The following PAEP variants were observed in gnomAD, a reference collection of about 807,000 sequenced individuals.
PAEP encodes the protein glycodelin.
PAEP carries 28 observed loss-of-function variants against 23.0 expected under a neutral mutation model. That is an observed-to-expected ratio of 1.22 (90% CI 0.90 to 1.67). The LOEUF is 1.67. Ranked by LOEUF, PAEP falls within the 40% of genes most tolerant of loss-of-function variation. The pLI is 0.00. For missense variants in PAEP, 209 were observed against 226.4 expected, an observed-to-expected ratio of 0.92 and a Z score of 0.49; for synonymous variants, 103 against 92.4, an observed-to-expected ratio of 1.12 and a Z score of -0.66.
intron 3 of PAEP, among the ~76,000 whole-genome samples, chr9:135,563,763 C>T (rs1447507976): frequency 6.6e-6 from 1 of 152,068 alleles, no homozygotes; most frequent in African/African-American, 2.4e-5. Flanking sequence ...GGGTCTGGGG[C>T]CTCTTATCCC....
At chr9:135,561,959 G>T in intron 1 of PAEP, 62 bp downstream of exon 1, 1 of 1,246,306 alleles carries the variant, frequency 8.0e-7, no homozygotes. Context: ...GGAGCTGCGG[G>T]CAGGCAGGAA....
intron 3 of PAEP, among the ~76,000 whole-genome samples, chr9:135,563,596 G>A (rs1223516215): frequency 6.6e-6 from 1 of 151,680 alleles, no homozygotes; most frequent in Non-Finnish European, 1.5e-5. Context: ...GCACTCTGGG[G>A]CTGCAGCTCT....
rs1408797928 is a variant in PAEP, at chr9:135,566,904, G to A, written c.*352G>A. The A allele has an allele frequency of 6.5e-5, 10 of 152,688 alleles. No individual in the cohort carries two copies. The highest frequency in any genetic ancestry group is 1.5e-4 in the Non-Finnish European group (10 of 68,054). 9.5% of individuals were successfully genotyped at this position (152,688 alleles called of 1,614,324 possible). The stretch of plus-strand genomic sequence containing the variant: ...AGACCCATGGGCAGCTTCTGGTGGA[G>A]AAAATACCTCAAGTTTCTTATCTAC... On this transcript the variant is annotated 3_prime_UTR_variant, in exon 7 of 7. Transcript: ENST00000479141.
intron 1 of PAEP, 94 bp downstream of exon 1, chr9:135,561,991 C>T: frequency 1.0e-6 from 1 of 1,002,036 alleles, no homozygotes; most frequent in Non-Finnish European, 1.5e-6. Context: ...CAGAAACCTA[C>T]AGGAAGCACA....
At chr9:135,562,669 C>G in intron 2 of PAEP, 151 bp from the exon 3 acceptor site, 1 of 819,208 alleles carries the variant, frequency 1.2e-6, no homozygotes. Context: ...ACAGTGCAGC[C>G]CCAGGTCAGA....
rs1470452230 is a variant in PAEP, at chr9:135,561,895, A to C, written c.94A>C (p.Lys32Gln). 1.3e-6 allele frequency: 2 copies of C among 1,560,918 alleles called. No homozygotes were observed. The change falls in exon 1 of 7, where the codon AAG becomes CAG. Residue 32 changes from lysine to glutamine, a missense_variant and splice_region_variant. Transcript: ENST00000479141. ...GACCAAGCAGGACCTGGAGCTCCCA[A>C]AGGTTTGAGGCTGGGGGAGCGGGCA... ...PQTKQDLELP[K>Q]LAGTWHSMAM...
At chr9:135,566,076 T>C (rs781596023) in intron 6 of PAEP, 105 of 505,658 alleles carry the variant, frequency 2.1e-4, no homozygotes, top group Non-Finnish European at 3.4e-4. Context: ...GGGGTGTTGG[T>C]TGGAAATGGT....
rs1460598938 is a variant in PAEP at position 135,562,819 on chromosome 9, G to C, written c.237-1G>C. On this transcript the variant is annotated splice_acceptor_variant, in intron 2 of 6. Coordinates refer to ENST00000479141, the MANE Select transcript of PAEP (RefSeq NM_002571.4). LOFTEE classifies it high-confidence loss of function. ...CTCATCCTATTGTCACCACCTTTCA[G>C]GGAGAACAACAGCTGTGTTGAGAAG... 2 of 1,613,070 alleles carry C rather than the reference G, an allele frequency of 1.2e-6. No homozygotes were observed. The highest frequency in any genetic ancestry group is 3.3e-5 in the Admixed American group (2 of 59,954).
intron 3 of PAEP, among the ~76,000 whole-genome samples, 156 bp from the exon 4 acceptor site, chr9:135,564,088 C>T (rs1294941699): frequency 1.3e-5 from 2 of 152,244 alleles, no homozygotes; most frequent in East Asian, 1.9e-4. Flanking sequence ...CCTTTCCTCC[C>T]TGGCTTCCCT....
chr9:135,561,942 G>A (rs1832317419), intron 1 of PAEP, 45 bp downstream of exon 1: 1 of 1,438,202 alleles, frequency 7.0e-7, no homozygotes, highest in Non-Finnish European at 9.5e-7. Flanking sequence ...GAGGCCTGGG[G>A]CGGGTGGGAG....
chr9:135,565,638 C>A lies in PAEP; in HGVS notation c.526+124C>A, dbSNP rs111290016. ...CTTTTTGGCCCCTCCCCTGTTCTCCCCTGGCCTTCTGGGGTGCAGAGCCAC... is the reference window on the plus strand; with the variant it reads ...CTTTTTGGCCCCTCCCCTGTTCTCCACTGGCCTTCTGGGGTGCAGAGCCAC... On this transcript the variant is annotated intron_variant, in intron 5 of 6. Transcript: ENST00000479141. The A allele has an allele frequency of 1.4e-5, 19 of 1,338,026 alleles. No individual in the cohort carries two copies. In the African/African-American group the frequency reaches 2.4e-4, roughly 17 times the overall value. The allele number at this position is 1,338,026 out of a possible 1,614,324, so 82.9% of individuals were successfully genotyped here.
At chr9:135,565,580 C>A (rs375530489) in intron 5 of PAEP, 66 bp downstream of exon 5, 7 of 1,483,398 alleles carry the variant, frequency 4.7e-6, no homozygotes, top group African/African-American at 4.2e-5. Flanking sequence ...TTAGCCCGAG[C>A]CCCCTGCTGG....
chr9:135,564,582 C>A, intron 4 of PAEP: 1 of 737,502 alleles, frequency 1.4e-6, no homozygotes, highest in Non-Finnish European at 1.7e-6. Context: ...CGGCTCACTG[C>A]AACTTCTGCC....
rs202147827 is a variant in PAEP, at chr9:135,562,483, C to G, written c.236+50C>G. On this transcript the variant is annotated intron_variant, in intron 2 of 6. Transcript: ENST00000479141. ...GCTGGGCGGGGGCTCAGTCTCCCCC[C>G]TCAGGGGTCCAGGACTGGGTGGGTT... 2.5e-3 allele frequency: 3,952 copies of G among 1,595,664 alleles called. 6 individuals carry two copies. Among genetic ancestry groups the G allele is most frequent in the Non-Finnish European group, 3.0e-3 (3,550 of 1,169,934 alleles).
Position 135,561,898 on chromosome 9 carries a change from G to C in PAEP, c.96+1G>C. The C allele has an allele frequency of 1.3e-6, 2 of 1,525,064 alleles. No homozygotes were observed. Among genetic ancestry groups the C allele is most frequent in the Non-Finnish European group, 1.8e-6 (2 of 1,130,250 alleles). 94.5% of individuals were successfully genotyped at this position (1,525,064 alleles called of 1,614,324 possible). A position where few individuals can be genotyped will look rare whatever the true frequency, so the allele number is the denominator to read the frequency against. On this transcript the variant is annotated splice_donor_variant, in intron 1 of 6. Transcript: ENST00000479141. LOFTEE classifies it high-confidence loss of function. ...CAAGCAGGACCTGGAGCTCCCAAAG[G>C]TTTGAGGCTGGGGGAGCGGGCACTT...
chr9:135,564,480 T>C, intron 4 of PAEP, 126 bp downstream of exon 4: 1 of 1,464,526 alleles, frequency 6.8e-7, no homozygotes, highest in South Asian at 1.5e-5. Flanking sequence ...ACTTTTTTTT[T>C]CTTGGTTTTT....
chr9:135,562,271 C>T lies in PAEP; in HGVS notation c.97-23C>T, dbSNP rs756349924. 23 of 1,609,816 alleles carry T rather than the reference C, an allele frequency of 1.4e-5. 1 individual carries two copies. Among genetic ancestry groups the T allele is most frequent in the South Asian group, 1.1e-4 (10 of 90,396 alleles). ...GAGAGCCATGGTGGGGTGGGACCGC[C>T]GTGCAGCCCAAGGCCCCCTCAGTTG... On this transcript the variant is annotated intron_variant, in intron 1 of 6. Coordinates refer to ENST00000479141, the MANE Select transcript of PAEP (RefSeq NM_002571.4).
intron 5 of PAEP, 24 bp downstream of exon 5, chr9:135,565,538 C>A (rs1832538144): frequency 6.3e-7 from 1 of 1,593,110 alleles, no homozygotes; most frequent in South Asian, 1.1e-5. Flanking sequence ...AGGACACGCC[C>A]AGCCTCAGCT....
At position 135,561,807 on chromosome 9, in the gene PAEP, G is replaced by A. The variant is rs1421654269; in HGVS notation, c.6G>A (p.Leu2=). 1 of 1,551,952 alleles carries A rather than the reference G, an allele frequency of 6.4e-7. No homozygotes were observed. The highest frequency in any genetic ancestry group is 8.7e-7 in the Non-Finnish European group (1 of 1,146,808). ...AGCCACCCACAGCCGCAGCCATGCT[G>A]TGCCTCCTGCTCACCCTGGGCGTGG... M[L]CLLLTLGVAL... is the part of the protein sequence containing the mutation. Residue 2 remains leucine, a synonymous_variant, in exon 1 of 7, where the codon CTG becomes CTA. Coordinates refer to ENST00000479141, the MANE Select transcript of PAEP (RefSeq NM_002571.4).
Sources: gnomAD v4.1 joint callset for allele counts (sites outside exome capture counted in the v4.1 genomes callset) on GRCh38, gnomAD v4.1.1 for gene constraint, MANE v1.5 for transcripts, NCBI Gene and HGNC (gene_info 2026-07-23, HGNC 2026-07-21) for gene names.